Variants in FAM20A observed in about 807,000 individuals in gnomAD.
FAM20A encodes FAM20A golgi associated secretory pathway pseudokinase.
FAM20A carries 42 observed loss-of-function variants against 52.0 expected under a neutral mutation model. The ratio of observed to expected loss-of-function variants is 0.81; its 90% CI spans 0.63 to 1.04. FAM20A has a LOEUF of 1.04. Among genes scored for constraint, FAM20A ranks in the 50% least tolerant of loss-of-function variants. FAM20A has a pLI of 0.00. For synonymous variants in FAM20A, 304 were observed against 298.9 expected, an observed-to-expected ratio of 1.02 and a Z score of -0.18; for missense variants, 742 against 712.7, an observed-to-expected ratio of 1.04 and a Z score of -0.47.
intron 1 of FAM20A, among the ~76,000 whole-genome samples, chr17:68,575,632 A>AAT (rs1475571844): frequency 1.8e-4 from 20 of 108,950 alleles, no homozygotes; most frequent in African/African-American, 6.5e-4. Flanking sequence ...TATAAAATAT[A>AAT]ATATAGAATA....
intron 3 of FAM20A, among the ~76,000 whole-genome samples, chr17:68,552,195 C>T (rs565723446): frequency 2.0e-5 from 3 of 151,774 alleles, no homozygotes; most frequent in East Asian, 3.9e-4. Context: ...TCGCTTGAGC[C>T]CAGGAGTTTG....
chr17:68,572,137 G>C (rs1345196465), intron 1 of FAM20A, among the ~76,000 whole-genome samples: 4 of 150,320 alleles, frequency 2.7e-5, no homozygotes, highest in African/African-American at 9.8e-5. Context: ...GCCCAGGCTG[G>C]TCTTGGACTC....
intron 1 of FAM20A, among the ~76,000 whole-genome samples, chr17:68,582,987 T>C (rs1318315044): frequency 6.6e-6 from 1 of 150,864 alleles, no homozygotes; most frequent in Non-Finnish European, 1.5e-5. Flanking sequence ...TTTGTATTTT[T>C]AGTAGAGACA....
Position 68,537,677 on chromosome 17 carries a change from C to G in FAM20A, c.1426G>C (p.Val476Leu). ...LAQADYRLSD[V>L]MRESLLEDQL... is the part of the protein sequence containing the mutation. ...TCTTCCAGCAGTGATTCTCGCATCACATCGCTGAGTCTGTAGTCAGCTTGG... is the reference window on the plus strand; with the variant it reads ...TCTTCCAGCAGTGATTCTCGCATCAGATCGCTGAGTCTGTAGTCAGCTTGG... Residue 476 changes from valine to leucine, a missense_variant, in exon 11 of 11, where the codon GTG (valine) becomes CTG (leucine). By Grantham distance (32) the Val-to-Leu change is conservative. Transcript: ENST00000592554. This position sits in a 1 kb window ranked among gnomAD's most constrained non-coding sequence, Gnocchi z 4.2. The G allele has an allele frequency of 6.2e-7, 1 of 1,613,770 alleles. No homozygotes were observed. The highest frequency in any genetic ancestry group is 1.3e-5 in the African/African-American group (1 of 75,054).
chr17:68,585,347 CT>C (rs1251090957), intron 1 of FAM20A, among the ~76,000 whole-genome samples: 1 of 151,774 alleles, frequency 6.6e-6, no homozygotes, highest in Admixed American at 6.6e-5. Flanking sequence ...TATTCAACCC[CT>C]CTGCCTCCCA....
At chr17:68,541,492 T>TG (rs1446367460) in intron 7 of FAM20A, 2 of 189,866 alleles carry the variant, frequency 1.1e-5, no homozygotes, top group Non-Finnish European at 2.2e-5. Flanking sequence ...TCATGACGGC[T>TG]TGACTGATGG....
chr17:68,572,817 C>T (rs2087603022), intron 1 of FAM20A, among the ~76,000 whole-genome samples: 1 of 152,086 alleles, frequency 6.6e-6, no homozygotes, highest in South Asian at 2.1e-4. Context: ...GCTCAAAAAA[C>T]ATATTTCTCA....
rs909655012 is a variant in FAM20A at position 68,597,096 on chromosome 17, C to T, written c.404+3167G>A. On this transcript the variant is annotated intron_variant, in intron 1 of 10. Coordinates refer to ENST00000592554, the MANE Select transcript of FAM20A (RefSeq NM_017565.4). ...TCCATTGTGTGAAATCAAAAAGGAA[C>T]GTGTGGGTGAGTGGGGAGGTGGGGA... is the stretch of plus-strand genomic sequence containing the variant. Among the ~76,000 whole-genome samples the T allele has an allele frequency of 2.6e-5, 4 of 151,990 alleles. No homozygotes were observed. In the East Asian group the frequency reaches 5.8e-4, roughly 22 times the overall value.
At chr17:68,550,586 G>A (rs2086792342) in intron 4 of FAM20A, among the ~76,000 whole-genome samples, 2 of 152,066 alleles carry the variant, frequency 1.3e-5, no homozygotes, top group Middle Eastern at 3.4e-3. Context: ...TCACCATGAT[G>A]GCCAGGCTGG....
chr17:68,551,498 G>A (rs2086832473), intron 4 of FAM20A, among the ~76,000 whole-genome samples: 1 of 152,016 alleles, frequency 6.6e-6, no homozygotes, highest in Admixed American at 6.6e-5. Context: ...TTTGAATCCT[G>A]GGTCTGCTGT....
At chr17:68,564,584 C>A (rs1568754895) in intron 1 of FAM20A, among the ~76,000 whole-genome samples, 1 of 152,170 alleles carries the variant, frequency 6.6e-6, no homozygotes, top group Non-Finnish European at 1.5e-5. Flanking sequence ...ATCCAAGGGA[C>A]CTTGGAATCC....
At chr17:68,547,514 C>T (rs186055777) in intron 4 of FAM20A, among the ~76,000 whole-genome samples, 15 of 152,194 alleles carry the variant, frequency 9.9e-5, no homozygotes, top group Non-Finnish European at 2.9e-5. Context: ...TCTGGATAAC[C>T]TGCTGCAGCT....
chr17:68,593,021 T>G (rs994535411), intron 1 of FAM20A, among the ~76,000 whole-genome samples: 7 of 152,228 alleles, frequency 4.6e-5, no homozygotes, highest in African/African-American at 1.2e-4. Context: ...TGTCCTGATT[T>G]CACATTTCAA....
In FAM20A at chr17:68,555,662, G is replaced by A; in HGVS notation, c.486C>T (p.Val162=). Residue 162 remains valine, a synonymous_variant, in exon 2 of 11, where the codon GTC becomes GTT. Transcript: ENST00000592554. ...PLQLRLEASW[V]QFHLGINRHG... The stretch of plus-strand genomic sequence containing the variant: ...GGCGGTTAATACCCAGGTGGAACTG[G>A]ACCCAGCTGGCCTCGAGTCGGAGCT... The A allele has an allele frequency of 1.2e-6, 2 of 1,613,850 alleles. No homozygotes were observed. The highest frequency in any genetic ancestry group is 1.7e-6 in the Non-Finnish European group (2 of 1,180,046).
chr17:68,586,551 CACAG>C (rs1046266974), intron 1 of FAM20A, among the ~76,000 whole-genome samples: 2 of 152,170 alleles, frequency 1.3e-5, no homozygotes, highest in Admixed American at 6.5e-5. Flanking sequence ...GAGGAGAAGA[CACAG>C]ACAGACAAAG....
rs549288772 is a variant in FAM20A, at chr17:68,587,944, C to T, written c.404+12319G>A. Among the ~76,000 whole-genome samples, 5 of 152,220 alleles carry T rather than the reference C, an allele frequency of 3.3e-5. No individual in the cohort carries two copies. In the East Asian group the frequency reaches 7.7e-4, roughly 23 times the overall value. On this transcript the variant is annotated intron_variant, in intron 1 of 10. Coordinates refer to ENST00000592554, the MANE Select transcript of FAM20A (RefSeq NM_017565.4). ...AAACAAACCTTCACTTTTGTTTCTA[C>T]GTATTATGTTGGTTAATATGAAAGG...
chr17:68,570,343 G>C (rs2087504576), intron 1 of FAM20A, among the ~76,000 whole-genome samples: 1 of 152,138 alleles, frequency 6.6e-6, no homozygotes, highest in Non-Finnish European at 1.5e-5. Flanking sequence ...CAAAGTGCTG[G>C]GATCACAGGT....
chr17:68,558,226 A>AGGGGTAGAGAG (rs2087109841), intron 1 of FAM20A: 1 of 309,620 alleles, frequency 3.2e-6, no homozygotes, highest in South Asian at 2.5e-5. Context: ...TCTACCAACA[A>AGGGGTAGAGAG]CGAGAATGAG....
In FAM20A at chr17:68,578,005, C is replaced by CCA. The variant is rs752788424; in HGVS notation, c.404+22256_404+22257dup. On this transcript the variant is annotated intron_variant, in intron 1 of 10. Transcript: ENST00000592554. ...AATAAATAAATATATATTTCACACACCACACACACACACACACACGCACAC... is the reference window on the plus strand; with the variant it reads ...AATAAATAAATATATATTTCACACACCACACACACACACACACACACGCACAC... Among the ~76,000 whole-genome samples the CCA allele has an allele frequency of 6.4e-3, 960 of 149,650 alleles. 9 individuals carry two copies. Among genetic ancestry groups the CCA allele is most frequent in the African/African-American group, 0.014 (582 of 40,904 alleles).
Sources: gnomAD v4.1 joint callset for allele counts (sites outside exome capture counted in the v4.1 genomes callset) on GRCh38, gnomAD v4.1.1 for gene constraint, Gnocchi (gnomAD v3.1) non-coding constraint, MANE v1.5 for transcripts, NCBI Gene and HGNC (gene_info 2026-07-23, HGNC 2026-07-21) for gene names.